Variants in C1orf185 observed in about 807,000 individuals in gnomAD.
C1orf185 encodes chromosome 1 open reading frame 185.
A neutral mutation model predicts 16.1 loss-of-function variants in C1orf185; 13 were observed. The ratio of observed to expected loss-of-function variants is 0.81; its 90% confidence interval spans 0.53 to 1.28. The LOEUF is 1.28. C1orf185 is among the 50% of genes most tolerant of loss of function. The pLI, the probability that C1orf185 is intolerant of heterozygous loss-of-function variation, is 0.00. For missense variants in C1orf185, 220 were observed against 225.2 expected (o/e 0.98, Z 0.15); for synonymous variants, 80 against 76.9 (o/e 1.04, Z -0.21).
At chr1:51,113,527 TAAAC>T (rs1646138124) in intron 2 of C1orf185, among the ~76,000 whole-genome samples, 2 of 151,964 alleles carry the variant, frequency 1.3e-5, no homozygotes, top group South Asian at 2.1e-4. Context: ...CTACTAACGA[TAAAC>T]AAAGTTAGCC....
chr1:51,125,931 G>C (rs1005024382), intron 3 of C1orf185, among the ~76,000 whole-genome samples: 1 of 152,162 alleles, frequency 6.6e-6, no homozygotes, highest in Non-Finnish European at 1.5e-5. Flanking sequence ...GCTGAGGTGG[G>C]TGGATTGCTT....
chr1:51,142,911 G>T (rs1195587390), intron 3 of C1orf185, among the ~76,000 whole-genome samples: 1 of 151,952 alleles, frequency 6.6e-6, no homozygotes, highest in East Asian at 1.9e-4. Context: ...TTACAGGCAT[G>T]CACCATCATG....
intron 3 of C1orf185, among the ~76,000 whole-genome samples, chr1:51,135,519 A>AG (rs1396485931): frequency 6.6e-6 from 1 of 152,238 alleles, no homozygotes; most frequent in Non-Finnish European, 1.5e-5. Flanking sequence ...AGCCTGGGCA[A>AG]CAAGAGTGAA....
chr1:51,146,514 AAAAAG>A (rs1464782279), intron 4 of C1orf185, among the ~76,000 whole-genome samples: 2 of 152,054 alleles, frequency 1.3e-5, no homozygotes, highest in East Asian at 1.9e-4. Context: ...TAAATTTTTT[AAAAAG>A]AAAAGTTAAT....
intron 3 of C1orf185, among the ~76,000 whole-genome samples, chr1:51,129,338 C>G (rs974956932): frequency 3.9e-5 from 6 of 152,186 alleles, no homozygotes; most frequent in Admixed American, 3.9e-4. Flanking sequence ...CCCTCCCTCC[C>G]TTTCCCTAGC....
chr1:51,132,242 G>A (rs973556856), intron 3 of C1orf185, among the ~76,000 whole-genome samples: 61 of 152,312 alleles, frequency 4.0e-4, no homozygotes, highest in African/African-American at 1.4e-3. Flanking sequence ...ACCAGGCTGA[G>A]ATGGCTGAAA....
intron 1 of C1orf185, among the ~76,000 whole-genome samples, chr1:51,111,370 C>CTATTTTTTTTTTTTTTTTTT (rs1646117799): frequency 8.7e-6 from 1 of 114,436 alleles, no homozygotes; most frequent in Non-Finnish European, 1.8e-5. Flanking sequence ...AGCTTTCTTT[C>CTATTTTTTTTTTTTTTTTTT]TTTCTTTTTT....
chr1:51,110,152 C>T (rs1265168143), intron 1 of C1orf185, among the ~76,000 whole-genome samples: 1 of 152,150 alleles, frequency 6.6e-6, no homozygotes, highest in African/African-American at 2.4e-5. Context: ...TATTTAGCCT[C>T]AATTTGACTC....
chr1:51,112,675 T>C, intron 2 of C1orf185, 106 bp downstream of exon 2: 1 of 1,082,088 alleles, frequency 9.2e-7, no homozygotes. Flanking sequence ...GTATTGATTG[T>C]TTAGTTTGGG....
At chr1:51,131,819 C>T (rs1286465317) in intron 3 of C1orf185, among the ~76,000 whole-genome samples, 1 of 152,154 alleles carries the variant, frequency 6.6e-6, no homozygotes, top group African/African-American at 2.4e-5. Context: ...GATCCCACTG[C>T]TGCCACACTA....
At position 51,147,518 on chromosome 1, in the gene C1orf185, T is replaced by C; in HGVS notation, c.347T>C (p.Ile116Thr). 6.5e-7 allele frequency: 1 copy of C among 1,546,954 alleles called. No homozygotes were observed. The highest frequency in any genetic ancestry group is 1.2e-5 in the South Asian group (1 of 82,712). ...CCCCAACTTGCAACAAAAAATATCA[T>C]TTGTGATCCCTCAGAGACCAGCTCC... ...DEPQLATKNIICDPSETSSTT... is the reference protein window; with the variant it reads ...DEPQLATKNITCDPSETSSTT... Residue 116 changes from isoleucine (I) to threonine (T), a missense_variant, in exon 5 of 5, where the codon ATT becomes ACT. Coordinates refer to ENST00000371759, the MANE Select transcript of C1orf185 (RefSeq NM_001136508.2).
At chr1:51,144,597 CAGCTACTCAGG>C (rs1234056754) in intron 3 of C1orf185, among the ~76,000 whole-genome samples, 2 of 152,056 alleles carry the variant, frequency 1.3e-5, no homozygotes, top group African/African-American at 2.4e-5. Context: ...CCTGTTGTTC[CAGCTACTCAGG>C]AGGCTGAGGC....
In C1orf185 at chr1:51,125,607, C is replaced by A. The variant is rs560669303; in HGVS notation, c.258+6806C>A. Among the ~76,000 whole-genome samples the A allele has an allele frequency of 7.2e-5, 11 of 152,262 alleles. No individual in the cohort carries two copies. The South Asian group carries it at 2.3e-3, about 32-fold the overall frequency. On this transcript the variant is annotated intron_variant, in intron 3 of 4. Transcript: ENST00000371759. ...TTGCACATCTTATTTTGTTACCAAG[C>A]AATGAGCATTCTGTCTGACATGCAT...
At chr1:51,122,498 A>T (rs1388016159) in intron 3 of C1orf185, among the ~76,000 whole-genome samples, 1 of 152,220 alleles carries the variant, frequency 6.6e-6, no homozygotes, top group Non-Finnish European at 1.5e-5. Flanking sequence ...ACAGAGTCCC[A>T]CTATATTCTT....
intron 3 of C1orf185, among the ~76,000 whole-genome samples, chr1:51,133,563 T>C (rs971879040): frequency 1.4e-4 from 22 of 152,208 alleles, no homozygotes; most frequent in Non-Finnish European, 2.9e-4. Context: ...AAGCAAGTTC[T>C]TAGAGACCTT....
At chr1:51,114,161 G>T (rs1181177697) in intron 2 of C1orf185, among the ~76,000 whole-genome samples, 1 of 152,158 alleles carries the variant, frequency 6.6e-6, no homozygotes, top group Non-Finnish European at 1.5e-5. Context: ...ACAGAAAGAA[G>T]GCCAATGTGA....
chr1:51,112,683 G>T, intron 2 of C1orf185, 114 bp downstream of exon 2: 1 of 1,036,516 alleles, frequency 9.6e-7, no homozygotes, highest in Non-Finnish European at 1.3e-6. Flanking sequence ...TGTTTAGTTT[G>T]GGATTTGGTT....
At chr1:51,103,719 G>C (rs1206423284) in intron 1 of C1orf185, among the ~76,000 whole-genome samples, 1 of 152,018 alleles carries the variant, frequency 6.6e-6, no homozygotes, top group African/African-American at 2.4e-5. Flanking sequence ...GTTTTTAGTA[G>C]AGACAGGGTT....
intron 3 of C1orf185, among the ~76,000 whole-genome samples, chr1:51,120,225 A>G (rs1306087490): frequency 1.3e-5 from 2 of 152,174 alleles, no homozygotes; most frequent in African/African-American, 4.8e-5. Context: ...TTTGCACCCT[A>G]AGGATTTTGA....
Sources: gnomAD v4.1 joint callset for allele counts (sites outside exome capture counted in the v4.1 genomes callset) on GRCh38, gnomAD v4.1.1 for gene constraint, MANE v1.5 for transcripts, NCBI Gene and HGNC (gene_info 2026-07-23, HGNC 2026-07-21) for gene names.